The following MAP3K5 variants were observed in gnomAD, a reference collection of about 807,000 sequenced individuals.
MAP3K5 encodes mitogen-activated protein kinase kinase kinase 5, also known as ASK-1.
In MAP3K5, 56 loss-of-function variants were observed where a neutral mutation model predicts 158.7. That is an observed-to-expected ratio of 0.35 (90% confidence interval 0.28 to 0.44). The LOEUF is 0.44. Among genes scored for constraint, MAP3K5 ranks in the 20% least tolerant of loss-of-function variants. MAP3K5 has a pLI of 1.00. For synonymous variants in MAP3K5, 579 were observed against 601.7 expected (o/e 0.96, Z 0.55); for missense variants, 1,294 against 1,674.8 (o/e 0.77, Z 3.97).
intron 1 of MAP3K5, among the ~76,000 whole-genome samples, chr6:136,784,387 C>T (rs569902940): frequency 2.0e-5 from 3 of 152,230 alleles, no homozygotes; most frequent in Admixed American, 6.5e-5. Context: ...TATAGTTTTG[C>T]CTTAATTGAC....
chr6:136,642,105 GAC>G (rs1357858202), intron 12 of MAP3K5, among the ~76,000 whole-genome samples: 1 of 148,024 alleles, frequency 6.8e-6, no homozygotes, highest in Non-Finnish European at 1.5e-5. Context: ...TTAGTGGCAG[GAC>G]ACAGTGTAGT....
intron 1 of MAP3K5, among the ~76,000 whole-genome samples, chr6:136,782,682 T>C (rs1784667341): frequency 6.6e-6 from 1 of 152,256 alleles, no homozygotes; most frequent in Non-Finnish European, 1.5e-5. Flanking sequence ...GCAACTTCTG[T>C]GGCATTTAAG....
intron 1 of MAP3K5, among the ~76,000 whole-genome samples, chr6:136,787,784 A>C (rs1784909336): frequency 6.6e-6 from 1 of 152,256 alleles, no homozygotes; most frequent in Non-Finnish European, 1.5e-5. Context: ...AGCTGGGATG[A>C]AAACTCGGAT....
intron 23 of MAP3K5, among the ~76,000 whole-genome samples, chr6:136,590,167 G>A (rs763323179): frequency 6.6e-6 from 1 of 152,096 alleles, no homozygotes; most frequent in South Asian, 2.1e-4. Context: ...TTTCTACCAC[G>A]AGTTGAAGCA....
At chr6:136,699,761 T>C (rs1174208614) in intron 3 of MAP3K5, among the ~76,000 whole-genome samples, 1 of 152,204 alleles carries the variant, frequency 6.6e-6, no homozygotes, top group East Asian at 1.9e-4. Context: ...CTGTACATTC[T>C]GGACAATGCA....
intron 13 of MAP3K5, 90 bp downstream of exon 13, chr6:136,639,453 A>G: frequency 1.5e-6 from 1 of 658,690 alleles, no homozygotes; most frequent in Non-Finnish European, 2.6e-6. Flanking sequence ...ATAGCCATGC[A>G]TTCTTCACAG....
intron 21 of MAP3K5, among the ~76,000 whole-genome samples, chr6:136,597,440 CCTT>C (rs1387378968): frequency 1.3e-5 from 2 of 152,318 alleles, no homozygotes; most frequent in East Asian, 3.9e-4. Context: ...TTATGGTTCT[CCTT>C]CTCCTAGACA....
intron 1 of MAP3K5, among the ~76,000 whole-genome samples, chr6:136,751,659 T>C (rs1783214573): frequency 6.6e-6 from 1 of 152,228 alleles, no homozygotes; most frequent in Non-Finnish European, 1.5e-5. Flanking sequence ...CTGTGAAGAC[T>C]GCTTAAGAGG....
intron 7 of MAP3K5, among the ~76,000 whole-genome samples, chr6:136,686,416 C>T (rs1235359509): frequency 4.6e-5 from 7 of 152,042 alleles, no homozygotes; most frequent in Non-Finnish European, 7.4e-5. Context: ...TTGGAAGTTA[C>T]GGCCAGGGCA....
chr6:136,678,614 ACAT>A (rs1779802529), intron 7 of MAP3K5, among the ~76,000 whole-genome samples: 2 of 152,238 alleles, frequency 1.3e-5, no homozygotes, highest in Non-Finnish European at 2.9e-5. Flanking sequence ...CTATACATTT[ACAT>A]ATTAAGAGAA....
At chr6:136,769,491 G>A (rs1304715194) in intron 1 of MAP3K5, among the ~76,000 whole-genome samples, 1 of 151,590 alleles carries the variant, frequency 6.6e-6, no homozygotes, top group African/African-American at 2.4e-5. Flanking sequence ...CTTTAAAATG[G>A]TTACTTTTAT....
chr6:136,605,386 A>AT lies in MAP3K5; in HGVS notation c.2522-21dup. The AT allele has an allele frequency of 6.3e-7, 1 of 1,585,928 alleles. No homozygotes were observed. Among genetic ancestry groups the AT allele is most frequent in the Non-Finnish European group, 8.6e-7 (1 of 1,167,594 alleles). Reference sequence around the variant, plus strand: ...GGGTACCTGGAAACAATTCAAACACATTTCCATTTTAAAAAGATAAAACAG... The same window carrying AT: ...GGGTACCTGGAAACAATTCAAACACATTTTCCATTTTAAAAAGATAAAACAG... On this transcript the variant is annotated intron_variant, in intron 18 of 29. Transcript: ENST00000359015.
At chr6:136,568,450 G>T (rs184735922) in intron 25 of MAP3K5, among the ~76,000 whole-genome samples, 81 of 152,236 alleles carry the variant, frequency 5.3e-4, no homozygotes, top group Admixed American at 4.3e-3. Flanking sequence ...TTTGACTATT[G>T]GGCCGATTTC....
At chr6:136,596,763 T>C (rs1183681921) in intron 21 of MAP3K5, among the ~76,000 whole-genome samples, 1 of 152,234 alleles carries the variant, frequency 6.6e-6, no homozygotes. Flanking sequence ...GGTGGAAATA[T>C]GATCAAATCC....
rs57162918 is a variant in MAP3K5 at position 136,789,675 on chromosome 6, C to CTT, written c.448+2033_448+2034dup. ...AGGAAGCAAGGGCCAAGCACAACCT[C>CTT]TTTTTTTTTTTTTTTTTTTTTTTTT... On this transcript the variant is annotated intron_variant, in intron 1 of 29. Transcript: ENST00000359015. Among the ~76,000 whole-genome samples, 308 of 78,776 alleles carry CTT rather than the reference C, an allele frequency of 3.9e-3. 9 individuals carry two copies. The highest frequency in any genetic ancestry group is 5.6e-3 in the Non-Finnish European group (250 of 44,284). 51.7% of individuals were successfully genotyped at this position (78,776 alleles called of 152,430 possible).
At chr6:136,679,511 G>A (rs958403338) in intron 7 of MAP3K5, among the ~76,000 whole-genome samples, 1 of 152,190 alleles carries the variant, frequency 6.6e-6, no homozygotes, top group South Asian at 2.1e-4. Context: ...GACAGCATGT[G>A]AAGAAACTAA....
At position 136,783,709 on chromosome 6, in the gene MAP3K5, C is replaced by G. The variant is rs552835065; in HGVS notation, c.448+8001G>C. ...TGATAAAAGGCCCTCGAATGGCCTC[C>G]TGGGAGGGGCCATCATTGCACAGCA... On this transcript the variant is annotated intron_variant, in intron 1 of 29. Coordinates refer to ENST00000359015, the MANE Select transcript of MAP3K5 (RefSeq NM_005923.4). Among the ~76,000 whole-genome samples, 66 of 152,286 alleles carry G rather than the reference C, an allele frequency of 4.3e-4. 1 individual carries two copies. In the South Asian group the frequency reaches 0.013, roughly 30 times the overall value.
At chr6:136,697,634 TA>T (rs1332221913) in intron 4 of MAP3K5, among the ~76,000 whole-genome samples, 1 of 141,920 alleles carries the variant, frequency 7.0e-6, no homozygotes, top group Non-Finnish European at 1.5e-5. Context: ...TCCATATTAA[TA>T]AATTTTCCTG....
At chr6:136,785,036 A>G (rs1784783801) in intron 1 of MAP3K5, among the ~76,000 whole-genome samples, 1 of 152,252 alleles carries the variant, frequency 6.6e-6, no homozygotes, top group African/African-American at 2.4e-5. Context: ...TTTAGGACAT[A>G]CAGACTTTAC....
Sources: allele counts gnomAD v4.1 joint callset (sites outside exome capture counted in the v4.1 genomes callset), GRCh38; gene constraint gnomAD v4.1.1; transcripts MANE v1.5; gene names NCBI Gene and HGNC (gene_info 2026-07-23, HGNC 2026-07-21).